The following UTP20 variants were observed in gnomAD, a reference collection of about 807,000 sequenced individuals.
UTP20 encodes the protein small subunit processome component 20 homolog.
Under a neutral mutation model 329.5 loss-of-function variants are expected in UTP20, and 164 were observed. That is an observed-to-expected ratio of 0.50 (90% CI 0.44 to 0.57). UTP20 has a LOEUF of 0.57. Ranked by LOEUF, UTP20 falls within the 20% of genes least tolerant of loss-of-function variation. The pLI is 0.00. For missense variants in UTP20, 3,055 were observed against 3,284.2 expected (o/e 0.93, Z 1.71); for synonymous variants, 1,151 against 1,159.3 (o/e 0.99, Z 0.14).
In UTP20 at chr12:101,383,427, C is replaced by T. The variant is rs537880876; in HGVS notation, c.7929+114C>T. The T allele has an allele frequency of 4.0e-6, 6 of 1,487,500 alleles. No homozygotes were observed. The South Asian group carries it at 7.9e-5, about 20-fold the overall frequency. 92.1% of individuals were successfully genotyped at this position (1,487,500 alleles called of 1,614,324 possible). A position where few individuals can be genotyped will look rare whatever the true frequency, so the allele number is the denominator to read the frequency against. On this transcript the variant is annotated intron_variant, in intron 59 of 61. Coordinates refer to ENST00000261637, the MANE Select transcript of UTP20 (RefSeq NM_014503.3). ...AACTTTATCTTTGAACCCCAAACTG[C>T]AGCAATAACATCCGTCCCAAAATAG...
At chr12:101,373,225 TA>T (rs1428133954) in intron 52 of UTP20, among the ~76,000 whole-genome samples, 175 bp from the exon 53 acceptor site, 2 of 152,332 alleles carry the variant, frequency 1.3e-5, no homozygotes, top group East Asian at 3.9e-4. Flanking sequence ...CACTTACATT[TA>T]AAATTGTACA....
rs758473607 is a variant in UTP20 at position 101,317,675 on chromosome 12, A to G, written c.2738+12A>G. ...AGAGCTGCAGCAAAGTAAGTTCACC[A>G]TTGCTGAAAGATCACAGATCCACAG... On this transcript the variant is annotated intron_variant, in intron 22 of 61. Transcript: ENST00000261637. 1.3e-6 allele frequency: 2 copies of G among 1,595,614 alleles called. No homozygotes were observed. Among genetic ancestry groups the G allele is most frequent in the Non-Finnish European group, 1.7e-6 (2 of 1,171,472 alleles).
At chr12:101,319,990 C>T (rs552272474) in intron 23 of UTP20, among the ~76,000 whole-genome samples, 1 of 152,252 alleles carries the variant, frequency 6.6e-6, no homozygotes, top group South Asian at 2.1e-4. Flanking sequence ...AGTCAGACTT[C>T]ATAGAGGACT....
rs1395148814 is a variant in UTP20 at position 101,299,675 on chromosome 12, C to T, written c.1431-7C>T. 6.4e-7 allele frequency: 1 copy of T among 1,556,754 alleles called. No individual in the cohort carries two copies. Among genetic ancestry groups the T allele is most frequent in the Non-Finnish European group, 8.6e-7 (1 of 1,156,886 alleles). On this transcript the variant is annotated splice_polypyrimidine_tract_variant and splice_region_variant and intron_variant, in intron 12 of 61. Coordinates refer to ENST00000261637, the MANE Select transcript of UTP20 (RefSeq NM_014503.3). Reference sequence around the variant, plus strand: ...TGTTATTTTAAACATTTTTTTTAATCCTTCAGATTCTATATAAAGCAGAAG... The same window carrying T: ...TGTTATTTTAAACATTTTTTTTAATTCTTCAGATTCTATATAAAGCAGAAG...
At chr12:101,373,558 T>G in intron 53 of UTP20, 27 bp from the exon 54 acceptor site, 1 of 1,611,258 alleles carries the variant, frequency 6.2e-7, no homozygotes, top group Non-Finnish European at 8.5e-7. Flanking sequence ...CCACTCTGAG[T>G]GCTCACACGT....
intron 12 of UTP20, among the ~76,000 whole-genome samples, chr12:101,298,944 A>T (rs1474241650): frequency 6.6e-6 from 1 of 151,772 alleles, no homozygotes; most frequent in Non-Finnish European, 1.5e-5. Flanking sequence ...AGGGTGCAAG[A>T]GTAAAAACCT....
chr12:101,308,749 T>G (rs75952817), intron 18 of UTP20, among the ~76,000 whole-genome samples: 14 of 133,780 alleles, frequency 1.0e-4, no homozygotes, highest in Admixed American at 1.5e-4. Context: ...TTTTTTTTTT[T>G]GGAGATGGAG....
At chr12:101,294,022 A>AT (rs773285111) in intron 11 of UTP20, among the ~76,000 whole-genome samples, 228 of 150,912 alleles carry the variant, frequency 1.5e-3, no homozygotes, top group Non-Finnish European at 2.1e-3. Flanking sequence ...ATTTTTAGCT[A>AT]TTTTTTTTCT....
In UTP20 at chr12:101,343,002, T is replaced by C. The variant is rs1405620826; in HGVS notation, c.4358T>C (p.Phe1453Ser). The change falls in exon 35 of 62, where the codon TTC becomes TCC. Residue 1453 changes from phenylalanine to serine, a missense_variant. Physicochemically the swap from Phe to Ser is radical, Grantham distance 155 (BLOSUM62 -2). Coordinates refer to ENST00000261637, the MANE Select transcript of UTP20 (RefSeq NM_014503.3). Reference protein sequence around the residue: ...DINFDVRFETFQTITSYIKEM... With the variant: ...DINFDVRFETSQTITSYIKEM... ...AACTTCGACGTTCGCTTTGAGACTT[T>C]CCAGACCATCACCTCTTACATTAAA... is the stretch of plus-strand genomic sequence containing the variant. 1 of 1,613,846 alleles carries C rather than the reference T, an allele frequency of 6.2e-7. No individual in the cohort carries two copies. The highest frequency in any genetic ancestry group is 8.5e-7 in the Non-Finnish European group (1 of 1,179,910).
chr12:101,365,522 A>C lies in UTP20; in HGVS notation c.6022A>C (p.Thr2008Pro). The C allele has an allele frequency of 6.2e-7, 1 of 1,613,218 alleles. No individual in the cohort carries two copies. Among genetic ancestry groups the C allele is most frequent in the Non-Finnish European group, 8.5e-7 (1 of 1,179,758 alleles). The change falls in exon 46 of 62, where the codon ACA becomes CCA. Residue 2008 changes from threonine (T) to proline (P), a missense_variant. Transcript: ENST00000261637. ...RKVHETLRRI[T>P]VGLIVNQEMT... ...AGTTCATGAAACTTTACGCCGAATCACAGTGGGATTAATTGTAAATCAGGA... is the reference window on the plus strand; with the variant it reads ...AGTTCATGAAACTTTACGCCGAATCCCAGTGGGATTAATTGTAAATCAGGA...
At chr12:101,286,018 A>G (rs1430269141) in intron 4 of UTP20, 137 bp downstream of exon 4, 5 of 1,237,982 alleles carry the variant, frequency 4.0e-6, no homozygotes, top group African/African-American at 1.5e-5. Flanking sequence ...TCTGTTAGGA[A>G]TAAGTGCATT....
rs756979304 is a variant in UTP20 at position 101,346,529 on chromosome 12, C to T, written c.4825C>T (p.Leu1609Phe). 2.5e-6 allele frequency: 4 copies of T among 1,609,956 alleles called. No individual in the cohort carries two copies. The highest frequency in any genetic ancestry group is 2.7e-5 in the African/African-American group (2 of 74,628). The change falls in exon 38 of 62, where the codon CTT becomes TTT. Residue 1609 changes from leucine (L) to phenylalanine (F), a missense_variant. This residue lies in a region of UTP20 where 2,445 missense variants were observed against 2,575.5 expected (regional missense o/e 0.95). Coordinates refer to ENST00000261637, the MANE Select transcript of UTP20 (RefSeq NM_014503.3). The part of the protein sequence containing the change: ...EGKVVLSSKS[L>F]QNYIMPYAMT... ...CAAAGTTGTTCTGTCTTCTAAATCTCTTCAGAATTACATCATGCCTTATGC... is the reference window on the plus strand; with the variant it reads ...CAAAGTTGTTCTGTCTTCTAAATCTTTTCAGAATTACATCATGCCTTATGC...
chr12:101,321,471 A>C (rs1479249855), intron 24 of UTP20, 33 bp from the exon 25 acceptor site: 2 of 1,608,984 alleles, frequency 1.2e-6, no homozygotes, highest in South Asian at 2.2e-5. Flanking sequence ...CTGTTGATAA[A>C]GTGGTGATTT....
At chr12:101,385,097 CAA>C (rs35335261) in intron 60 of UTP20, among the ~76,000 whole-genome samples, 95 of 114,072 alleles carry the variant, frequency 8.3e-4, no homozygotes, top group Admixed American at 6.7e-4. Context: ...ACTCCCCCGC[CAA>C]AAAAAAAAAA....
chr12:101,306,199 A>T, intron 16 of UTP20, 134 bp downstream of exon 16: 2 of 1,185,914 alleles, frequency 1.7e-6, no homozygotes, highest in Admixed American at 2.7e-5. Context: ...TGATTCTTAA[A>T]TGTTGGCCTG....
At chr12:101,355,852 C>T (rs12316224) in intron 41 of UTP20, among the ~76,000 whole-genome samples, 4,120 of 151,668 alleles carry the variant, frequency 0.027, 194 homozygotes, top group African/African-American at 0.094. Context: ...ATTTGAGGCC[C>T]TGTATTTATT....
At position 101,327,201 on chromosome 12, in the gene UTP20, G is replaced by T; in HGVS notation, c.3162G>T (p.Gln1054His). The T allele has an allele frequency of 6.2e-7, 1 of 1,611,474 alleles. No individual in the cohort carries two copies. The highest frequency in any genetic ancestry group is 8.5e-7 in the Non-Finnish European group (1 of 1,177,860). ...CCGGGACCCAACCTGAGGAGATCCA[G>T]ATATTCTTAGACCTGCTGTTTGAAC... is the stretch of plus-strand genomic sequence containing the variant. ...FLAGTQPEEI[Q>H]IFLDLLFEPV... The change falls in exon 26 of 62, where the codon CAG becomes CAT. Residue 1054 changes from glutamine (Q) to histidine (H), a missense_variant. Coordinates refer to ENST00000261637, the MANE Select transcript of UTP20 (RefSeq NM_014503.3).
At chr12:101,362,526 A>ATTTGTAATTTAT (rs1555202275) in intron 44 of UTP20, among the ~76,000 whole-genome samples, 16 of 137,646 alleles carry the variant, frequency 1.2e-4, no homozygotes, top group East Asian at 7.9e-4. Context: ...CAACATGGTG[A>ATTTGTAATTTAT]AACCCCGTCT....
chr12:101,317,517 C>G lies in UTP20; in HGVS notation c.2592C>G (p.Thr864=). The G allele has an allele frequency of 6.2e-7, 1 of 1,614,054 alleles. No individual in the cohort carries two copies. Among genetic ancestry groups the G allele is most frequent in the African/African-American group, 1.3e-5 (1 of 75,016 alleles). ...YYPADLQVAP[T]QDLRRKGKGM... ...CAGCAGATCTGCAAGTTGCTCCAAC[C>G]CAGGATCTACGGAGAAAAGGCAAAG... The change falls in exon 22 of 62, where the codon ACC becomes ACG. Residue 864 remains threonine, a synonymous_variant. Coordinates refer to ENST00000261637, the MANE Select transcript of UTP20 (RefSeq NM_014503.3).
Sources: allele counts gnomAD v4.1 joint callset (sites outside exome capture counted in the v4.1 genomes callset), GRCh38; gene constraint gnomAD v4.1.1; regional missense constraint gnomAD v4.1.1; transcripts MANE v1.5; gene names NCBI Gene and HGNC (gene_info 2026-07-23, HGNC 2026-07-21).